Variants in GRIN2A observed in about 807,000 individuals in gnomAD.
GRIN2A encodes the protein glutamate ionotropic receptor NMDA type subunit 2A, also known as glutamate receptor ionotropic, NMDA 2A.
Under a neutral mutation model 113.4 loss-of-function variants are expected in GRIN2A, and 22 were observed. That is an observed-to-expected ratio of 0.19 (90% CI 0.14 to 0.28). The LOEUF is 0.28. Among genes scored for constraint, GRIN2A ranks in the 10% least tolerant of loss-of-function variants. The pLI is 1.00. For missense variants in GRIN2A, 1,502 were observed against 1,887.0 expected, an observed-to-expected ratio of 0.80 and a Z score of 3.78; for synonymous variants, 827 against 738.4, an observed-to-expected ratio of 1.12 and a Z score of -1.94.
chr16:10,043,877 A>G (rs950621142), intron 2 of GRIN2A, among the ~76,000 whole-genome samples: 1 of 151,818 alleles, frequency 6.6e-6, no homozygotes, highest in Non-Finnish European at 1.5e-5. Context: ...ATATACATAT[A>G]CATACACACA....
intron 2 of GRIN2A, among the ~76,000 whole-genome samples, chr16:10,024,432 C>G (rs2046782728): frequency 1.3e-5 from 2 of 152,188 alleles, no homozygotes; most frequent in Admixed American, 1.3e-4. Flanking sequence ...GTTAGCCAAG[C>G]TGGTCTCAAA....
chr16:9,798,059 G>T (rs1596422614), intron 11 of GRIN2A, among the ~76,000 whole-genome samples: 1 of 151,916 alleles, frequency 6.6e-6, no homozygotes, highest in East Asian at 1.9e-4. Flanking sequence ...GAGAGAGACT[G>T]TATCCTTAGA....
At chr16:9,902,091 A>ATCCCGCCAATGCACTCCAGC (rs2043940891) in intron 3 of GRIN2A, among the ~76,000 whole-genome samples, 1 of 145,032 alleles carries the variant, frequency 6.9e-6, no homozygotes, top group African/African-American at 2.9e-5. Flanking sequence ...GGGTCAAGAG[A>ATCCCGCCAATGCACTCCAGC]CTTCTGGTTG....
intron 2 of GRIN2A, among the ~76,000 whole-genome samples, chr16:10,011,499 C>T (rs141788473): frequency 6.6e-6 from 1 of 152,218 alleles, no homozygotes; most frequent in South Asian, 2.1e-4. Flanking sequence ...CCAAATCAAC[C>T]ACTCATTCTC....
intron 2 of GRIN2A, among the ~76,000 whole-genome samples, chr16:10,156,439 T>C (rs2049695689): frequency 1.3e-5 from 2 of 152,384 alleles, no homozygotes; most frequent in Non-Finnish European, 2.9e-5. Context: ...AGTGTGGCTA[T>C]AGCTTTCTCC....
At chr16:10,049,514 G>C (rs746342211) in intron 2 of GRIN2A, among the ~76,000 whole-genome samples, 1 of 151,874 alleles carries the variant, frequency 6.6e-6, no homozygotes, top group Non-Finnish European at 1.5e-5. Flanking sequence ...AGTAGCTGGG[G>C]TTACAAGCAC....
At chr16:9,827,954 C>T (rs1308603200) in intron 9 of GRIN2A, among the ~76,000 whole-genome samples, 1 of 152,144 alleles carries the variant, frequency 6.6e-6, no homozygotes, top group Admixed American at 6.5e-5. Context: ...TTTGTTTCTT[C>T]CTTGATGTTT....
In GRIN2A at chr16:9,762,012, A is replaced by G. The variant is rs756637069; in HGVS notation, c.*1137T>C. ...GGGGTGGAAGTGAGTGTCCAACAGAATTTCTGGATGTGAAGGAAGATAAAC... is the reference window on the plus strand; with the variant it reads ...GGGGTGGAAGTGAGTGTCCAACAGAGTTTCTGGATGTGAAGGAAGATAAAC... On this transcript the variant is annotated 3_prime_UTR_variant, in exon 13 of 13. Transcript: ENST00000330684. 13 of 199,058 alleles carry G rather than the reference A, an allele frequency of 6.5e-5. No homozygotes were observed. Among genetic ancestry groups the G allele is most frequent in the Non-Finnish European group, 9.4e-5 (9 of 96,244 alleles). The allele number at this position is 199,058 out of a possible 1,614,324, so 12.3% of individuals were successfully genotyped here.
chr16:9,942,337 A>C (rs968450019), intron 2 of GRIN2A, among the ~76,000 whole-genome samples: 8 of 152,154 alleles, frequency 5.3e-5, no homozygotes, highest in African/African-American at 1.9e-4. Flanking sequence ...TCTAGGGTCT[A>C]TTGAACCTAA....
At chr16:10,120,986 A>T (rs1469354433) in intron 2 of GRIN2A, among the ~76,000 whole-genome samples, 1 of 152,036 alleles carries the variant, frequency 6.6e-6, no homozygotes, top group African/African-American at 2.4e-5. Flanking sequence ...GAAAAATCCT[A>T]TTCTATTTCT....
chr16:9,759,528 T>C lies in GRIN2A; in HGVS notation c.*3621A>G. 1 of 224,818 alleles carries C rather than the reference T, an allele frequency of 4.4e-6. No individual in the cohort carries two copies. The highest frequency in any genetic ancestry group is 8.9e-6 in the Non-Finnish European group (1 of 112,784). The allele number at this position is 224,818 out of a possible 1,614,324, so 13.9% of individuals were successfully genotyped here. A position where few individuals can be genotyped will look rare whatever the true frequency, so the allele number is the denominator to read the frequency against. ...TAAACAAGGTGTAATTTTCTATTTT[T>C]CTCCCCAGAAAATAAGCGTGAAATG... On this transcript the variant is annotated 3_prime_UTR_variant, in exon 13 of 13. Transcript: ENST00000330684.
intron 2 of GRIN2A, 105 bp downstream of exon 2, chr16:10,179,893 C>CCCCA: frequency 2.8e-6 from 2 of 719,818 alleles, no homozygotes; most frequent in Non-Finnish European, 2.4e-6. Flanking sequence ...CCCCCACCCC[C>CCCCA]ACTTCACATC....
chr16:10,163,584 T>A (rs1283591981), intron 2 of GRIN2A, among the ~76,000 whole-genome samples: 1 of 152,114 alleles, frequency 6.6e-6, no homozygotes, highest in South Asian at 2.1e-4. Flanking sequence ...AATAGCCACA[T>A]CTTCCAGGAA....
At chr16:10,131,227 A>C (rs1049340351) in intron 2 of GRIN2A, among the ~76,000 whole-genome samples, 1 of 152,192 alleles carries the variant, frequency 6.6e-6, no homozygotes, top group Non-Finnish European at 1.5e-5. Flanking sequence ...AGTGGAGAAC[A>C]GGTTTTAATG....
intron 2 of GRIN2A, among the ~76,000 whole-genome samples, chr16:10,093,880 G>T (rs1444830601): frequency 6.6e-6 from 1 of 152,164 alleles, no homozygotes; most frequent in Admixed American, 6.5e-5. Context: ...GATTGTCTGG[G>T]AAACTCTGCC....
intron 2 of GRIN2A, among the ~76,000 whole-genome samples, chr16:10,080,471 G>T (rs1248069152): frequency 2.0e-5 from 3 of 152,156 alleles, no homozygotes; most frequent in Non-Finnish European, 4.4e-5. Flanking sequence ...ATAGACCTCT[G>T]TGGGTGCCAA....
intron 2 of GRIN2A, among the ~76,000 whole-genome samples, chr16:10,148,261 C>T (rs750981238): frequency 3.7e-4 from 57 of 152,300 alleles, no homozygotes; most frequent in African/African-American, 1.1e-3. Context: ...TGTGCTAAAA[C>T]GGCAGAGTTG....
rs1354010797 is a variant in GRIN2A, at chr16:10,044,052, GAC to G, written c.415-105503_415-105502del. ...AGAGAGAGAGAGAGAGAGAGACAGA[GAC>G]AGAGACAGAGACAGAGACAGAGAGT... On this transcript the variant is annotated intron_variant, in intron 2 of 12. Transcript: ENST00000330684. Among the ~76,000 whole-genome samples, 653 of 145,416 alleles carry G rather than the reference GAC, an allele frequency of 4.5e-3. 5 individuals are homozygous for G. Among genetic ancestry groups the G allele is most frequent in the African/African-American group, 0.012 (466 of 38,190 alleles).
intron 2 of GRIN2A, among the ~76,000 whole-genome samples, chr16:10,037,755 A>T (rs2047062249): frequency 6.6e-6 from 1 of 152,014 alleles, no homozygotes; most frequent in Admixed American, 6.6e-5. Flanking sequence ...CCTCCTGAGT[A>T]TCTGAGACAG....
Sources: gnomAD v4.1 joint callset for allele counts (sites outside exome capture counted in the v4.1 genomes callset) on GRCh38, gnomAD v4.1.1 for gene constraint, MANE v1.5 for transcripts, NCBI Gene and HGNC (gene_info 2026-07-23, HGNC 2026-07-21) for gene names.